Variants in ARMC12 observed in about 807,000 individuals in gnomAD.
The protein encoded by ARMC12 is armadillo repeat containing 12, also known as armadillo repeat-containing protein 12.
In ARMC12, 25 loss-of-function variants were observed where a neutral mutation model predicts 37.4. The observed-to-expected ratio is 0.67, with a 90% confidence interval of 0.49 to 0.93. The LOEUF (loss-of-function observed/expected upper bound fraction) is 0.93, where lower values mean the gene tolerates loss of function less well. ARMC12 is among the 40% of genes least tolerant of loss of function. ARMC12 has a pLI of 0.00. For missense variants in ARMC12, 384 were observed against 426.6 expected (o/e 0.90, Z 0.88); for synonymous variants, 167 against 176.1 (o/e 0.95, Z 0.41).
At chr6:35,734,619 G>T (rs1308995551), upstream of ARMC12, among the ~76,000 whole-genome samples, 2 of 152,012 alleles carry the variant, frequency 1.3e-5, no homozygotes, top group Non-Finnish European at 1.5e-5. Context: ...TGGGCAACAT[G>T]GCAAAACCCT....
chr6:35,736,617 CT>C (rs111331314), upstream of ARMC12, among the ~76,000 whole-genome samples: 3,396 of 147,564 alleles, frequency 0.023, 116 homozygotes, highest in African/African-American at 0.069. Flanking sequence ...AGAACCTTCT[CT>C]TTTTTTTTTT....
rs757340996 is a variant in ARMC12 at position 35,748,873 on chromosome 6, T to C, written c.*3T>C. The C allele has an allele frequency of 6.2e-7, 1 of 1,604,676 alleles. No individual in the cohort carries two copies. The highest frequency in any genetic ancestry group is 1.1e-5 in the South Asian group (1 of 90,190). ...CCTACTTTAAAAACACGGAATAAAA[T>C]TAAGGAGAGCCAATAAATGAGTATA... On this transcript the variant is annotated 3_prime_UTR_variant, in exon 6 of 6. Transcript: ENST00000373866.
At chr6:35,738,645 T>A in intron 3 of ARMC12, 127 bp downstream of exon 3, 1 of 1,329,260 alleles carries the variant, frequency 7.5e-7, no homozygotes, top group Non-Finnish European at 1.0e-6. Flanking sequence ...CAGAAATAAG[T>A]GGGAAAACGG....
chr6:35,739,658 G>T (rs986104496), intron 3 of ARMC12, among the ~76,000 whole-genome samples: 1 of 152,176 alleles, frequency 6.6e-6, no homozygotes, highest in African/African-American at 2.4e-5. Flanking sequence ...ACTCCTGGTG[G>T]GCTTTTGTTA....
intron 3 of ARMC12, among the ~76,000 whole-genome samples, chr6:35,741,097 G>A (rs1487660371): frequency 1.3e-5 from 2 of 151,948 alleles, no homozygotes; most frequent in African/African-American, 4.8e-5. Context: ...TTGAACTCCT[G>A]GGCTCAAGCA....
At chr6:35,738,769 C>T (rs914859760) in intron 3 of ARMC12, among the ~76,000 whole-genome samples, 1 of 152,148 alleles carries the variant, frequency 6.6e-6, no homozygotes, top group Non-Finnish European at 1.5e-5. Context: ...ACCCCACAAG[C>T]TCCCTACCAC....
chr6:35,738,092 T>G lies in ARMC12; in HGVS notation c.229T>G (p.Leu77Val), dbSNP rs1165721155. 6.2e-7 allele frequency: 1 copy of G among 1,613,810 alleles called. No homozygotes were observed. The highest frequency in any genetic ancestry group is 8.5e-7 in the Non-Finnish European group (1 of 1,179,986). Residue 77 changes from leucine (L) to valine (V), a missense_variant, in exon 2 of 6, where the codon TTG becomes GTG. Transcript: ENST00000373866. ...TGAGCTCCGGAGGCTCCTCAACTCT[T>G]TGGAGTGCAAACAGGATGAGTATGC... ...SGELRRLLNS[L>V]ECKQDEYAKS...
intron 3 of ARMC12, among the ~76,000 whole-genome samples, chr6:35,746,063 A>AAAATT (rs1202138915): frequency 4.7e-5 from 7 of 148,050 alleles, no homozygotes; most frequent in Non-Finnish European, 8.9e-5. Flanking sequence ...AAAATAAAAT[A>AAAATT]AAATTAAATT....
intron 3 of ARMC12, among the ~76,000 whole-genome samples, chr6:35,745,648 G>T (rs1168151231): frequency 6.6e-6 from 1 of 152,198 alleles, no homozygotes; most frequent in African/African-American, 2.4e-5. Context: ...TCCTAGTTTT[G>T]CTATTATACT....
At chr6:35,743,728 G>A (rs1320781210) in intron 3 of ARMC12, among the ~76,000 whole-genome samples, 1 of 151,380 alleles carries the variant, frequency 6.6e-6, no homozygotes, top group Non-Finnish European at 1.5e-5. Context: ...TGTGGTAAGT[G>A]CCATGGAGAA....
chr6:35,737,786 C>G (rs568942862), intron 1 of ARMC12, among the ~76,000 whole-genome samples: 20 of 152,338 alleles, frequency 1.3e-4, no homozygotes, highest in Admixed American at 5.2e-4. Flanking sequence ...ATATGCCAGA[C>G]AGTTGTTAGA....
In ARMC12 at chr6:35,748,875, A is replaced by G; in HGVS notation, c.*5A>G. ...TACTTTAAAAACACGGAATAAAATT[A>G]AGGAGAGCCAATAAATGAGTATAGG... On this transcript the variant is annotated 3_prime_UTR_variant, in exon 6 of 6. Transcript: ENST00000373866. 6.2e-7 allele frequency: 1 copy of G among 1,603,458 alleles called. No individual in the cohort carries two copies. Among genetic ancestry groups the G allele is most frequent in the South Asian group, 1.1e-5 (1 of 89,990 alleles).
At position 35,738,289 on chromosome 6, in the gene ARMC12, G is replaced by A. The variant is rs939748929; in HGVS notation, c.310-95G>A. The stretch of plus-strand genomic sequence containing the variant: ...ACCTCTCTCTGGCTGATAGCGGTGG[G>A]GGGGGGGTGTGCGGAGGGATCTTGG... On this transcript the variant is annotated intron_variant, in intron 2 of 5. Coordinates refer to ENST00000373866, the MANE Select transcript of ARMC12 (RefSeq NM_001286574.2). The A allele has an allele frequency of 2.2e-5, 32 of 1,427,692 alleles. No homozygotes were observed. In the South Asian group the frequency reaches 2.4e-4, roughly 11 times the overall value. 88.4% of individuals were successfully genotyped at this position (1,427,692 alleles called of 1,614,324 possible).
At position 35,740,411 on chromosome 6, in the gene ARMC12, A is replaced by G. The variant is rs187067598; in HGVS notation, c.444+1893A>G. Reference sequence around the variant, plus strand: ...CTGATTGCTTACGCTCCGCTCCCCCATCAGCATGCAGTAGGCTCCAACCCC... The same window carrying G: ...CTGATTGCTTACGCTCCGCTCCCCCGTCAGCATGCAGTAGGCTCCAACCCC... On this transcript the variant is annotated intron_variant, in intron 3 of 5. Transcript: ENST00000373866. 7.2e-4 allele frequency among the ~76,000 whole-genome samples: 110 copies of G among 152,138 alleles called. 1 individual carries two copies. The East Asian group carries it at 0.018, about 25-fold the overall frequency.
chr6:35,741,506 C>G (rs1446148811), intron 3 of ARMC12, among the ~76,000 whole-genome samples: 1 of 152,040 alleles, frequency 6.6e-6, no homozygotes. Flanking sequence ...CCTCTGCCTC[C>G]CAGGTTCAAG....
At chr6:35,744,383 G>A (rs1325213546) in intron 3 of ARMC12, among the ~76,000 whole-genome samples, 5 of 152,054 alleles carry the variant, frequency 3.3e-5, no homozygotes, top group East Asian at 3.9e-4. Flanking sequence ...CTCTTGATCC[G>A]CCCACCTCGA....
At chr6:35,737,017 G>T, upstream of ARMC12, 1 of 1,557,648 alleles carries the variant, frequency 6.4e-7, no homozygotes, top group Non-Finnish European at 8.7e-7. Flanking sequence ...TGGTACCCTG[G>T]TTCCTGACCC....
In ARMC12 at chr6:35,737,267, C is replaced by T. The variant is rs139422699; in HGVS notation, c.159C>T (p.Ile53=). 109 of 1,614,154 alleles carry T rather than the reference C, an allele frequency of 6.8e-5. No homozygotes were observed. Among genetic ancestry groups the T allele is most frequent in the Non-Finnish European group, 3.6e-5 (42 of 1,180,054 alleles). Residue 53 remains isoleucine, a synonymous_variant, in exon 1 of 6, where the codon ATC becomes ATT. Transcript: ENST00000373866. ...TCTGTAGCAACTCACCCATCTGCAT[C>T]GCCCGTGAGTGTCCGGGCCCTGGGG... is the stretch of plus-strand genomic sequence containing the variant. ...PPLCSNSPIC[I]ARLAVERERH... is the part of the protein sequence containing the mutation.
At chr6:35,735,162 C>T (rs1766927214), upstream of ARMC12, 1 of 152,220 alleles carries the variant, frequency 6.6e-6, no homozygotes, top group African/African-American at 2.4e-5. The surrounding 1 kb of genome is among the most constrained non-coding windows in gnomAD (Gnocchi z 4.0). Flanking sequence ...TGGAGAAGGG[C>T]AGAGCAAGGA....
Sources: allele counts gnomAD v4.1 joint callset (sites outside exome capture counted in the v4.1 genomes callset), GRCh38; gene constraint gnomAD v4.1.1; non-coding constraint Gnocchi (gnomAD v3.1); transcripts MANE v1.5; gene names NCBI Gene and HGNC (gene_info 2026-07-23, HGNC 2026-07-21).